The following AKIRIN2 variants were observed in gnomAD, a reference collection of about 807,000 sequenced individuals.
The protein encoded by AKIRIN2 is akirin-2.
In AKIRIN2, 6 loss-of-function variants were observed where a neutral mutation model predicts 29.3. That is an observed-to-expected ratio of 0.20 (90% CI 0.11 to 0.40). The LOEUF (loss-of-function observed/expected upper bound fraction) is 0.40. Ranked by LOEUF, AKIRIN2 falls within the 10% of genes least tolerant of loss-of-function variation. The pLI is 1.00. For synonymous variants in AKIRIN2, 128 were observed against 117.5 expected (o/e 1.09, Z -0.58); for missense variants, 210 against 276.1 (o/e 0.76, Z 1.70).
At chr6:87,683,984 T>G (rs573334632) in intron 1 of AKIRIN2, among the ~76,000 whole-genome samples, 1 of 152,278 alleles carries the variant, frequency 6.6e-6, no homozygotes, top group South Asian at 2.1e-4. Context: ...TAAGCTTCAC[T>G]CATATTCATC....
intron 1 of AKIRIN2, among the ~76,000 whole-genome samples, chr6:87,693,050 A>C (rs937295486): frequency 2.6e-5 from 4 of 151,990 alleles, no homozygotes; most frequent in Non-Finnish European, 5.9e-5. Context: ...TAACATGGTG[A>C]AACCTCATCT....
chr6:87,691,951 A>G (rs1771283859), intron 1 of AKIRIN2, among the ~76,000 whole-genome samples: 2 of 152,214 alleles, frequency 1.3e-5, no homozygotes. Flanking sequence ...TTGTTCTTTT[A>G]CTTTCTCATG....
intron 2 of AKIRIN2, among the ~76,000 whole-genome samples, chr6:87,679,626 A>G (rs1771086555): frequency 6.6e-6 from 1 of 152,212 alleles, no homozygotes; most frequent in Non-Finnish European, 1.5e-5. Context: ...GCATGGAAAA[A>G]TAAGCTCAAG....
intron 1 of AKIRIN2, among the ~76,000 whole-genome samples, chr6:87,686,296 C>T (rs1771184437): frequency 6.6e-6 from 1 of 151,998 alleles, no homozygotes; most frequent in South Asian, 2.1e-4. Context: ...AAATGCTGGA[C>T]ACCATGAATA....
chr6:87,681,047 T>A (rs1008491407), intron 2 of AKIRIN2, among the ~76,000 whole-genome samples: 4 of 152,068 alleles, frequency 2.6e-5, no homozygotes, highest in Non-Finnish European at 4.4e-5. Context: ...TGTTATTATT[T>A]TTTTTTTTGA....
At chr6:87,677,001 C>A (rs1054510058) in intron 3 of AKIRIN2, among the ~76,000 whole-genome samples, 1 of 151,062 alleles carries the variant, frequency 6.6e-6, no homozygotes, top group Non-Finnish European at 1.5e-5. Context: ...GGCGTGAACC[C>A]GGAAAGTAGA....
At chr6:87,694,625 A>G (rs1770821763) in intron 1 of AKIRIN2, among the ~76,000 whole-genome samples, 1 of 152,196 alleles carries the variant, frequency 6.6e-6, no homozygotes, top group Non-Finnish European at 1.5e-5. Flanking sequence ...ATTTAATGGA[A>G]AGATTACAAT....
At chr6:87,681,194 C>T (rs535347829) in intron 2 of AKIRIN2, among the ~76,000 whole-genome samples, 272 of 152,190 alleles carry the variant, frequency 1.8e-3, no homozygotes, top group African/African-American at 6.1e-3. Context: ...CGTGCCACCA[C>T]GCCCAGCTAA....
At chr6:87,678,617 C>T (rs1160446043) in intron 2 of AKIRIN2, among the ~76,000 whole-genome samples, 1 of 152,160 alleles carries the variant, frequency 6.6e-6, no homozygotes, top group East Asian at 1.9e-4. Context: ...AAATACCATA[C>T]CATGAAGTAT....
chr6:87,677,808 C>T lies in AKIRIN2; in HGVS notation c.529+10G>A. 1 of 1,610,916 alleles carries T rather than the reference C, an allele frequency of 6.2e-7. No homozygotes were observed. On this transcript the variant is annotated intron_variant, in intron 3 of 4. Transcript: ENST00000257787. ...AGTTCCTCAGAAACTCTAATAAACA[C>T]ACCTCATACCTGCAAGTTTTGTGTT...
chr6:87,676,759 G>A (rs1313157646), intron 3 of AKIRIN2, among the ~76,000 whole-genome samples: 5 of 147,988 alleles, frequency 3.4e-5, no homozygotes, highest in Non-Finnish European at 7.4e-5. Flanking sequence ...CGGCCTGGGC[G>A]ACAGAGTGAG....
chr6:87,697,161 A>C (rs1771383507), intron 1 of AKIRIN2, among the ~76,000 whole-genome samples: 1 of 151,420 alleles, frequency 6.6e-6, no homozygotes, highest in African/African-American at 2.4e-5. Flanking sequence ...ATACAAAACA[A>C]AATCAGCCAG....
At chr6:87,694,376 T>C (rs558077928) in intron 1 of AKIRIN2, among the ~76,000 whole-genome samples, 1 of 152,134 alleles carries the variant, frequency 6.6e-6, no homozygotes, top group Admixed American at 6.5e-5. Flanking sequence ...GAAATGAAAA[T>C]AGGTATACTG....
rs891717181 is a variant in AKIRIN2 at position 87,701,815 on chromosome 6, CGCGGAGCGCCGGCTGTGGA to C, written c.-150_-132del. On this transcript the variant is annotated 5_prime_UTR_variant, in exon 1 of 5. Transcript: ENST00000257787. ...CGACGGGCTCAGGAGCCAAGCGGGT[CGCGGAGCGCCGGCTGTGGA>C]AAGGAGAGCCGCTGCCGCCGCTGCC... The C allele has an allele frequency of 3.4e-6, 2 of 592,422 alleles. No homozygotes were observed. Among genetic ancestry groups the C allele is most frequent in the African/African-American group, 1.9e-5 (1 of 51,344 alleles). The allele number at this position is 592,422 out of a possible 1,614,324, so 36.7% of individuals were successfully genotyped here.
chr6:87,687,023 C>T (rs1487496235), intron 1 of AKIRIN2, among the ~76,000 whole-genome samples: 17 of 127,048 alleles, frequency 1.3e-4, no homozygotes, highest in Non-Finnish European at 1.7e-4. Context: ...TCCAGCCAGG[C>T]GACAGAGCAA....
In AKIRIN2 at chr6:87,681,691, T is replaced by C. The variant is rs564463375; in HGVS notation, c.308A>G (p.Gln103Arg). 1.9e-6 allele frequency: 3 copies of C among 1,613,540 alleles called. No homozygotes were observed. Among genetic ancestry groups the C allele is most frequent in the East Asian group, 2.2e-5 (1 of 44,846 alleles). ...QKRRHLETSF[Q>R]QTDPCCTSDA... ...AGAAGTACAACACGGATCTGTCTGT[T>C]GGAAACTCGTTTCTAAATGTCTTCT... The change falls in exon 2 of 5, where the codon CAA becomes CGA. Residue 103 changes from glutamine to arginine, a missense_variant. Coordinates refer to ENST00000257787, the MANE Select transcript of AKIRIN2 (RefSeq NM_018064.4).
At chr6:87,686,456 AAAGG>A (rs1198334728) in intron 1 of AKIRIN2, among the ~76,000 whole-genome samples, 2 of 152,108 alleles carry the variant, frequency 1.3e-5, no homozygotes, top group African/African-American at 2.4e-5. Context: ...GGAGAACCAC[AAAGG>A]AAGGGAGGTG....
intron 2 of AKIRIN2, among the ~76,000 whole-genome samples, chr6:87,681,137 A>C (rs2128301234): frequency 6.6e-6 from 1 of 152,174 alleles, no homozygotes; most frequent in African/African-American, 2.4e-5. Context: ...TCCTGGGTTC[A>C]AGTGATTCTC....
intron 1 of AKIRIN2, among the ~76,000 whole-genome samples, chr6:87,686,843 C>A (rs1380199661): frequency 1.3e-5 from 2 of 151,752 alleles, no homozygotes; most frequent in Non-Finnish European, 2.9e-5. Context: ...GTCAGGAGTT[C>A]GAGATCAGGC....
Sources: allele counts gnomAD v4.1 joint callset (sites outside exome capture counted in the v4.1 genomes callset), GRCh38; gene constraint gnomAD v4.1.1; transcripts MANE v1.5; gene names NCBI Gene and HGNC (gene_info 2026-07-23, HGNC 2026-07-21).